The following PITPNM2 variants were observed in gnomAD, a reference collection of about 807,000 sequenced individuals.
PITPNM2 encodes membrane-associated phosphatidylinositol transfer protein 2.
A neutral mutation model predicts 132.2 loss-of-function variants in PITPNM2; 35 were observed. The observed-to-expected ratio is 0.26, with a 90% confidence interval of 0.20 to 0.35. The LOEUF (loss-of-function observed/expected upper bound fraction) is 0.35. PITPNM2 is among the 10% of genes least tolerant of loss of function. The pLI is 1.00. For synonymous variants in PITPNM2, 738 were observed against 799.2 expected, an observed-to-expected ratio of 0.92 and a Z score of 1.29; for missense variants, 1,332 against 1,912.0, an observed-to-expected ratio of 0.70 and a Z score of 5.66.
At chr12:123,054,695 G>C (rs1024191060) in intron 2 of PITPNM2, among the ~76,000 whole-genome samples, 1 of 152,206 alleles carries the variant, frequency 6.6e-6, no homozygotes, top group Non-Finnish European at 1.5e-5. Context: ...ACTAAGAGTA[G>C]GATGATACAT....
rs529010540 is a variant in PITPNM2, at chr12:123,148,046, T to C, written c.-200+2707A>G. ...AATATGGGTCACTGTAAGAAGCCTT[T>C]AGAAAGGGGAAAATGCCTCAGATTA... On this transcript the variant is annotated intron_variant, in intron 1 of 25. Transcript: ENST00000320201. Among the ~76,000 whole-genome samples the C allele has an allele frequency of 9.7e-4, 148 of 152,270 alleles. 2 individuals are homozygous for C. Among genetic ancestry groups the C allele is most frequent in the Middle Eastern group, 3.4e-3 (1 of 294 alleles).
intron 1 of PITPNM2, among the ~76,000 whole-genome samples, chr12:123,140,130 A>G (rs1458154720): frequency 6.6e-6 from 1 of 152,180 alleles, no homozygotes; most frequent in Admixed American, 6.5e-5. Context: ...TAGATCAAGA[A>G]CCAGGTTCAG....
intron 2 of PITPNM2, among the ~76,000 whole-genome samples, chr12:123,046,220 G>C (rs2040650143): frequency 6.6e-6 from 1 of 151,954 alleles, no homozygotes; most frequent in African/African-American, 2.4e-5. Context: ...AGTGTGAATG[G>C]CCCCCTCCTG....
At position 123,010,093 on chromosome 12, in the gene PITPNM2, T is replaced by TA; in HGVS notation, c.416-17dup. The TA allele has an allele frequency of 1.3e-6, 2 of 1,595,522 alleles. No homozygotes were observed. On this transcript the variant is annotated splice_polypyrimidine_tract_variant and intron_variant, in intron 5 of 25. Transcript: ENST00000320201. ...TCGATGAAGTCTGTGGGTAAACCCT[T>TA]AGAGTGGCCACTTCTGCCCTGACCT...
At chr12:123,028,176 C>T (rs185167691) in intron 3 of PITPNM2, among the ~76,000 whole-genome samples, 6 of 152,218 alleles carry the variant, frequency 3.9e-5, no homozygotes, top group Non-Finnish European at 7.3e-5. Context: ...ACTCCCTCGG[C>T]GGCACACATT....
At chr12:123,055,483 G>A (rs1566269858) in intron 2 of PITPNM2, among the ~76,000 whole-genome samples, 1 of 152,200 alleles carries the variant, frequency 6.6e-6, no homozygotes, top group African/African-American at 2.4e-5. Flanking sequence ...GCGTGCACAC[G>A]GCACCAAGCT....
chr12:123,010,105 T>A lies in PITPNM2; in HGVS notation c.416-28A>T, dbSNP rs765532674. 58 of 1,566,304 alleles carry A rather than the reference T, an allele frequency of 3.7e-5. No individual in the cohort carries two copies. In the Middle Eastern group the frequency reaches 5.0e-4, roughly 13 times the overall value. ...GTGGGTAAACCCTTAGAGTGGCCAC[T>A]TCTGCCCTGACCTCAACCCCCACCC... On this transcript the variant is annotated intron_variant, in intron 5 of 25. Coordinates refer to ENST00000320201, the MANE Select transcript of PITPNM2 (RefSeq NM_020845.3).
At position 123,030,585 on chromosome 12, in the gene PITPNM2, C is replaced by G. The variant is rs564780992; in HGVS notation, c.78+3928G>C. Among the ~76,000 whole-genome samples the G allele has an allele frequency of 1.5e-4, 23 of 151,580 alleles. 2 individuals are homozygous for G. The South Asian group carries it at 4.0e-3, about 26-fold the overall frequency. ...GCACGCGCCTGTAGACCCAGCTACT[C>G]GGGAGGCTGAGGCAGGAGAATGGCG... On this transcript the variant is annotated intron_variant, in intron 3 of 25. Transcript: ENST00000320201.
At chr12:123,136,253 G>T (rs982536526) in intron 1 of PITPNM2, among the ~76,000 whole-genome samples, 8 of 151,374 alleles carry the variant, frequency 5.3e-5, no homozygotes, top group African/African-American at 1.9e-4. Flanking sequence ...AGTGAGCCGA[G>T]ATCGCACCAC....
intron 2 of PITPNM2, among the ~76,000 whole-genome samples, chr12:123,085,116 C>A (rs1165897219): frequency 1.3e-5 from 2 of 152,196 alleles, no homozygotes; most frequent in African/African-American, 4.8e-5. Flanking sequence ...GTGGCATGCA[C>A]CGTAGAGTGC....
intron 2 of PITPNM2, among the ~76,000 whole-genome samples, chr12:123,094,695 A>G (rs1036691948): frequency 6.6e-6 from 1 of 152,212 alleles, no homozygotes; most frequent in African/African-American, 2.4e-5. Flanking sequence ...GCCTTCTCCG[A>G]AACCAAGCAC....
At position 122,989,886 on chromosome 12, in the gene PITPNM2, C is replaced by A; in HGVS notation, c.2632G>T (p.Ala878Ser). ...VRRLSLLALP[A>S]PSPTTPGPHP... ...GGGCCAGGGGTGGTGGGGCTGGGGG[C>A]GGGCAGGGCGAGCAGGGACAGACGC... The change falls in exon 18 of 26, where the codon GCC becomes TCC. Residue 878 changes from alanine to serine, a missense_variant. This residue lies in a region of PITPNM2 where 710 missense variants were observed against 911.5 expected (regional missense o/e 0.78). Transcript: ENST00000320201. 1.6e-6 allele frequency: 2 copies of A among 1,265,024 alleles called. No homozygotes were observed. Among genetic ancestry groups the A allele is most frequent in the Non-Finnish European group, 2.0e-6 (2 of 995,638 alleles). The allele number at this position is 1,265,024 out of a possible 1,614,324, so 78.4% of individuals were successfully genotyped here.
chr12:123,036,794 C>T lies in PITPNM2; in HGVS notation c.-95-2109G>A, dbSNP rs1188041502. Among the ~76,000 whole-genome samples the T allele has an allele frequency of 2.6e-5, 4 of 152,212 alleles. No individual in the cohort carries two copies. The highest frequency in any genetic ancestry group is 5.9e-5 in the Non-Finnish European group (4 of 68,022). On this transcript the variant is annotated intron_variant, in intron 2 of 25. Transcript: ENST00000320201. This position sits in a 1 kb window ranked among gnomAD's most constrained non-coding sequence, Gnocchi z 4.1. ...TGGGAAGTTTCCTTGCCCTGTTCCC[C>T]TCCTTGGGGTGGCCCCAGGCCCTGC...
At chr12:123,029,027 A>G (rs2039976092) in intron 3 of PITPNM2, among the ~76,000 whole-genome samples, 2 of 152,130 alleles carry the variant, frequency 1.3e-5, no homozygotes, top group African/African-American at 4.8e-5. Flanking sequence ...CAGGCCTGGG[A>G]GCCACAGCAC....
chr12:123,079,744 G>T (rs986693161), intron 2 of PITPNM2, among the ~76,000 whole-genome samples: 3 of 152,098 alleles, frequency 2.0e-5, no homozygotes, highest in African/African-American at 7.2e-5. Flanking sequence ...AGATTCTACC[G>T]CTTCTTCTCA....
At chr12:122,997,182 G>C (rs1250644785) in intron 11 of PITPNM2, 143 bp downstream of exon 11, 7 of 1,275,086 alleles carry the variant, frequency 5.5e-6, no homozygotes, top group Non-Finnish European at 6.5e-6. Flanking sequence ...GTATACGTTT[G>C]GGCACCTCCA....
Position 122,994,308 on chromosome 12 carries a change from C to G in PITPNM2, c.2233+493G>C, listed in dbSNP as rs2038324785. ...GGCTCCTGGAGCTTTGCAGGCTGAT[C>G]CCAGGGCACAGGGCAGGGACTGCTG... On this transcript the variant is annotated intron_variant, in intron 15 of 25. Coordinates refer to ENST00000320201, the MANE Select transcript of PITPNM2 (RefSeq NM_020845.3). The surrounding 1 kb of genome is among the most constrained non-coding windows in gnomAD (Gnocchi z 5.4). Among the ~76,000 whole-genome samples the G allele has an allele frequency of 6.6e-6, 1 of 152,196 alleles. No homozygotes were observed. Among genetic ancestry groups the G allele is most frequent in the Admixed American group, 6.5e-5 (1 of 15,286 alleles).
intron 23 of PITPNM2, 22 bp from the exon 24 acceptor site, chr12:122,986,851 A>T (rs765129255): frequency 6.3e-7 from 1 of 1,587,430 alleles, no homozygotes; most frequent in East Asian, 2.3e-5. Flanking sequence ...GTGTCGTCTC[A>T]TGGTCACCCC....
intron 2 of PITPNM2, among the ~76,000 whole-genome samples, chr12:123,056,442 G>A (rs777338909): frequency 2.5e-4 from 38 of 152,246 alleles, no homozygotes; most frequent in East Asian, 5.8e-4. Context: ...TTCTCACTGC[G>A]GTGGCTTCAC....
Sources: gnomAD v4.1 joint callset for allele counts (sites outside exome capture counted in the v4.1 genomes callset) on GRCh38, gnomAD v4.1.1 for gene constraint, gnomAD v4.1.1 regional missense constraint, Gnocchi (gnomAD v3.1) non-coding constraint, MANE v1.5 for transcripts, NCBI Gene and HGNC (gene_info 2026-07-23, HGNC 2026-07-21) for gene names.